The following CNTNAP5 variants were observed in gnomAD, a reference collection of about 807,000 sequenced individuals.
CNTNAP5 encodes contactin-associated protein-like 5.
In CNTNAP5, 72 loss-of-function variants were observed where a neutral mutation model predicts 150.2. That is an observed-to-expected ratio of 0.48 (90% confidence interval 0.40 to 0.58). The LOEUF is 0.58. Among genes scored for constraint, CNTNAP5 ranks in the 20% least tolerant of loss-of-function variants. CNTNAP5 has a pLI of 0.00. For synonymous variants in CNTNAP5, 672 were observed against 619.8 expected, an observed-to-expected ratio of 1.08 and a Z score of -1.25; for missense variants, 1,636 against 1,626.2, an observed-to-expected ratio of 1.01 and a Z score of -0.10.
intron 3 of CNTNAP5, among the ~76,000 whole-genome samples, chr2:124,268,154 T>C (rs2104609380): frequency 6.6e-6 from 1 of 152,316 alleles, no homozygotes; most frequent in African/African-American, 2.4e-5. Flanking sequence ...CTGTCTGCAC[T>C]GGTTTTGCTT....
At chr2:124,668,736 G>T (rs1356448096) in intron 13 of CNTNAP5, among the ~76,000 whole-genome samples, 1 of 152,180 alleles carries the variant, frequency 6.6e-6, no homozygotes, top group Non-Finnish European at 1.5e-5. Flanking sequence ...ATTACTAAGA[G>T]AGTAGTGTAA....
chr2:124,310,268 A>G (rs1030042812), intron 3 of CNTNAP5, among the ~76,000 whole-genome samples: 4 of 152,010 alleles, frequency 2.6e-5, no homozygotes, highest in Non-Finnish European at 4.4e-5. Flanking sequence ...TCCCTGATGT[A>G]GATTGTAGGT....
At chr2:124,058,801 T>G (rs1483862818) in intron 1 of CNTNAP5, among the ~76,000 whole-genome samples, 1 of 152,194 alleles carries the variant, frequency 6.6e-6, no homozygotes, top group Non-Finnish European at 1.5e-5. Flanking sequence ...TCAATGACCT[T>G]CTGAAAATCC....
At chr2:124,199,706 C>T (rs1034206885) in intron 1 of CNTNAP5, among the ~76,000 whole-genome samples, 1 of 152,184 alleles carries the variant, frequency 6.6e-6, no homozygotes, top group African/African-American at 2.4e-5. Flanking sequence ...TGAGCCACCT[C>T]GCCTGGCTGG....
At chr2:124,699,861 C>T (rs949156247) in intron 13 of CNTNAP5, among the ~76,000 whole-genome samples, 1 of 150,788 alleles carries the variant, frequency 6.6e-6, no homozygotes, top group African/African-American at 2.4e-5. Context: ...AGATATAATT[C>T]ATATATCATA....
intron 13 of CNTNAP5, among the ~76,000 whole-genome samples, chr2:124,701,009 G>T: frequency 6.6e-6 from 1 of 151,646 alleles, no homozygotes; most frequent in African/African-American, 2.4e-5. Context: ...TTGTTTTTGT[G>T]GCAAGAGCAG....
intron 2 of CNTNAP5, among the ~76,000 whole-genome samples, chr2:124,241,097 G>A (rs1686875887): frequency 6.6e-6 from 1 of 152,170 alleles, no homozygotes; most frequent in Non-Finnish European, 1.5e-5. Context: ...GTCTGCGATA[G>A]CTCCCACATG....
chr2:124,707,202 A>AAGAAGAAGAAGAAGAAGG (rs1679708249), intron 13 of CNTNAP5, among the ~76,000 whole-genome samples: 1 of 144,918 alleles, frequency 6.9e-6, no homozygotes, highest in African/African-American at 2.6e-5. Context: ...GAAGAAGAAG[A>AAGAAGAAGAAGAAGAAGG]AGAATAAACA....
chr2:124,591,584 A>G (rs537988827), intron 11 of CNTNAP5, among the ~76,000 whole-genome samples: 19 of 152,256 alleles, frequency 1.2e-4, no homozygotes, highest in Non-Finnish European at 2.4e-4. Flanking sequence ...GTCTTGATGA[A>G]CATACATATT....
At chr2:124,052,189 C>A (rs1573719241) in intron 1 of CNTNAP5, among the ~76,000 whole-genome samples, 1 of 152,142 alleles carries the variant, frequency 6.6e-6, no homozygotes, top group East Asian at 1.9e-4. Flanking sequence ...TCTGGAGTAG[C>A]ATGAACTGGA....
chr2:124,650,507 C>A (rs1678299184), intron 13 of CNTNAP5, among the ~76,000 whole-genome samples: 1 of 152,148 alleles, frequency 6.6e-6, no homozygotes, highest in Admixed American at 6.5e-5. Flanking sequence ...GAATGTTTTC[C>A]TGGTCCTTAT....
chr2:124,342,914 G>A (rs1437510423), intron 3 of CNTNAP5, among the ~76,000 whole-genome samples: 1 of 152,128 alleles, frequency 6.6e-6, no homozygotes, highest in Non-Finnish European at 1.5e-5. Flanking sequence ...GTTGGCAATT[G>A]TATCAGTTTA....
At chr2:124,421,261 A>G (rs898900406) in intron 4 of CNTNAP5, among the ~76,000 whole-genome samples, 2 of 152,152 alleles carry the variant, frequency 1.3e-5, no homozygotes, top group Non-Finnish European at 1.5e-5. Context: ...ATTTCCACTT[A>G]AAGTATAGTA....
At chr2:124,095,733 A>T (rs542712642) in intron 1 of CNTNAP5, among the ~76,000 whole-genome samples, 2 of 152,078 alleles carry the variant, frequency 1.3e-5, no homozygotes, top group Non-Finnish European at 2.9e-5. Flanking sequence ...TAGTTATTTT[A>T]AATTGCCTTG....
At chr2:124,517,298 A>G (rs1265207267) in intron 8 of CNTNAP5, among the ~76,000 whole-genome samples, 2 of 138,418 alleles carry the variant, frequency 1.4e-5, no homozygotes, top group African/African-American at 5.3e-5. Context: ...GGTGTTGGTG[A>G]TGGAGGGTTG....
intron 13 of CNTNAP5, among the ~76,000 whole-genome samples, chr2:124,667,921 T>C (rs910384438): frequency 6.6e-6 from 1 of 152,238 alleles, no homozygotes; most frequent in Non-Finnish European, 1.5e-5. Context: ...AGACAGTCCT[T>C]GGGAGAAACG....
At chr2:124,396,744 A>G (rs1486988688) in intron 3 of CNTNAP5, among the ~76,000 whole-genome samples, 1 of 152,216 alleles carries the variant, frequency 6.6e-6, no homozygotes, top group African/African-American at 2.4e-5. Context: ...TGGTAATGTG[A>G]ACTAGGGCTT....
At chr2:124,844,579 AT>A (rs1364795285) in intron 19 of CNTNAP5, among the ~76,000 whole-genome samples, 1 of 151,954 alleles carries the variant, frequency 6.6e-6, no homozygotes, top group Non-Finnish European at 1.5e-5. Context: ...GAATTTGTAC[AT>A]TGTTTTTGGC....
At chr2:124,644,327 T>C (rs1223786204) in intron 12 of CNTNAP5, among the ~76,000 whole-genome samples, 1 of 152,050 alleles carries the variant, frequency 6.6e-6, no homozygotes, top group Middle Eastern at 3.2e-3. Flanking sequence ...TTAGTCAGGA[T>C]GCAGGGCTAA....
Sources: allele counts gnomAD v4.1 joint callset (sites outside exome capture counted in the v4.1 genomes callset), GRCh38; gene constraint gnomAD v4.1.1; transcripts MANE v1.5; gene names NCBI Gene and HGNC (gene_info 2026-07-23, HGNC 2026-07-21).